HMGCL: variants seen among roughly 807,000 people sequenced by gnomAD.
HMGCL encodes the protein hydroxymethylglutaryl-CoA lyase, mitochondrial.
In HMGCL, 26 loss-of-function variants were observed where a neutral mutation model predicts 37.3. The observed-to-expected ratio is 0.70, with a 90% CI of 0.51 to 0.97. The LOEUF (loss-of-function observed/expected upper bound fraction) is 0.97, where lower values mean the gene tolerates loss of function less well. HMGCL is among the 50% of genes least tolerant of loss of function. The pLI is 0.00. For synonymous variants in HMGCL, 151 were observed against 148.0 expected, an observed-to-expected ratio of 1.02 and a Z score of -0.15; for missense variants, 379 against 398.1, an observed-to-expected ratio of 0.95 and a Z score of 0.41.
At chr1:23,808,903 T>G (rs941194481) in intron 6 of HMGCL, among the ~76,000 whole-genome samples, 1 of 151,250 alleles carries the variant, frequency 6.6e-6, no homozygotes, top group Admixed American at 6.6e-5. Context: ...AATGTATATA[T>G]TTTACATATA....
At chr1:23,812,654 G>A (rs1394609582) in intron 5 of HMGCL, among the ~76,000 whole-genome samples, 1 of 152,156 alleles carries the variant, frequency 6.6e-6, no homozygotes, top group Non-Finnish European at 1.5e-5. Flanking sequence ...CACGTGCAAA[G>A]GCCCAGAGGC....
chr1:23,807,415 A>G, intron 7 of HMGCL: 1 of 354,590 alleles, frequency 2.8e-6, no homozygotes, highest in East Asian at 7.5e-5. Context: ...TGAGAGGAAA[A>G]AAAAAGTGGC....
intron 4 of HMGCL, chr1:23,816,286 G>T (rs918072625): frequency 6.5e-6 from 2 of 309,842 alleles, no homozygotes; most frequent in South Asian, 3.0e-5. Flanking sequence ...GTCTAAAATT[G>T]TAAGAAAGTT....
chr1:23,814,111 C>T, intron 5 of HMGCL, 79 bp downstream of exon 5: 3 of 1,514,918 alleles, frequency 2.0e-6, no homozygotes, highest in Non-Finnish European at 2.7e-6. Context: ...AAGTTTGTGG[C>T]AGGAGGACCA....
At position 23,802,584 on chromosome 1, in the gene HMGCL, G is replaced by A. The variant is rs1638303539; in HGVS notation, c.877-20C>T. On this transcript the variant is annotated intron_variant, in intron 8 of 8. Transcript: ENST00000374490. Reference sequence around the variant, plus strand: ...CACACCCTTTGAGAAACAAGTTAGAGGATGCGGTAAGTCATGGTATGCCCT... The same window carrying A: ...CACACCCTTTGAGAAACAAGTTAGAAGATGCGGTAAGTCATGGTATGCCCT... 6.6e-7 allele frequency: 1 copy of A among 1,521,316 alleles called. No homozygotes were observed. The highest frequency in any genetic ancestry group is 9.1e-7 in the Non-Finnish European group (1 of 1,095,384). The allele number at this position is 1,521,316 out of a possible 1,614,324, so 94.2% of individuals were successfully genotyped here. A position where few individuals can be genotyped will look rare whatever the true frequency, so the allele number is the denominator to read the frequency against.
intron 2 of HMGCL, among the ~76,000 whole-genome samples, chr1:23,819,510 C>T (rs916804110): frequency 1.1e-4 from 17 of 152,094 alleles, no homozygotes; most frequent in African/African-American, 3.6e-4. Context: ...AGGTGGATCA[C>T]CTGAGGTCGG....
Position 23,805,566 on chromosome 1 carries a change from G to A in HMGCL, c.751-1041C>T, listed in dbSNP as rs576016008. Among the ~76,000 whole-genome samples, 6 of 152,260 alleles carry A rather than the reference G, an allele frequency of 3.9e-5. No individual in the cohort carries two copies. The South Asian group carries it at 8.3e-4, about 21-fold the overall frequency. ...TCTTCATCTTTGCACTTGACTAGCCGCATCATCTTGGACACCTTCTCCATG... is the reference window on the plus strand; with the variant it reads ...TCTTCATCTTTGCACTTGACTAGCCACATCATCTTGGACACCTTCTCCATG... On this transcript the variant is annotated intron_variant, in intron 7 of 8. Coordinates refer to ENST00000374490, the MANE Select transcript of HMGCL (RefSeq NM_000191.3).
At chr1:23,803,118 T>C (rs1638321210) in intron 8 of HMGCL, among the ~76,000 whole-genome samples, 1 of 152,140 alleles carries the variant, frequency 6.6e-6, no homozygotes, top group Admixed American at 6.5e-5. Context: ...CACTGCAACC[T>C]CTGCCTCCCG....
intron 1 of HMGCL, among the ~76,000 whole-genome samples, chr1:23,823,103 G>A (rs1638751266): frequency 6.7e-6 from 1 of 149,976 alleles, no homozygotes; most frequent in African/African-American, 2.5e-5. Flanking sequence ...TTGAACCCAG[G>A]AGGAGGAGGT....
chr1:23,808,105 T>G (rs1638445003), intron 7 of HMGCL, 30 bp downstream of exon 7: 1 of 1,591,242 alleles, frequency 6.3e-7, no homozygotes, highest in Admixed American at 1.7e-5. Flanking sequence ...ACCGTGACCT[T>G]TGGGAGAATG....
intron 2 of HMGCL, among the ~76,000 whole-genome samples, chr1:23,820,135 G>A (rs1638686007): frequency 6.6e-6 from 1 of 152,146 alleles, no homozygotes; most frequent in African/African-American, 2.4e-5. Context: ...ACCCCACTGG[G>A]CTGTGGACCT....
At position 23,802,224 on chromosome 1, in the gene HMGCL, AC is replaced by A; in HGVS notation, c.*238del. 1.7e-6 allele frequency: 1 copy of A among 601,598 alleles called. No homozygotes were observed. The highest frequency in any genetic ancestry group is 3.0e-6 in the Non-Finnish European group (1 of 338,822). The allele number at this position is 601,598 out of a possible 1,614,324, so 37.3% of individuals were successfully genotyped here. A position where few individuals can be genotyped will look rare whatever the true frequency, so the allele number is the denominator to read the frequency against. The stretch of plus-strand genomic sequence containing the variant: ...TTCAACTCCTGGGCCAGGGTCCGTA[AC>A]AAAGGGAGACTTCAGCCCTCAAAGC... On this transcript the variant is annotated 3_prime_UTR_variant, in exon 9 of 9. Transcript: ENST00000374490.
Position 23,804,492 on chromosome 1 carries a change from C to G in HMGCL, c.784G>C (p.Gly262Arg), listed in dbSNP as rs1638365590. 6.2e-7 allele frequency: 1 copy of G among 1,613,992 alleles called. No individual in the cohort carries two copies. Among genetic ancestry groups the G allele is most frequent in the African/African-American group, 1.3e-5 (1 of 74,900 alleles). Residue 262 changes from glycine to arginine, a missense_variant, in exon 8 of 9, where the codon GGA becomes CGA. By Grantham distance (125) the Gly-to-Arg change is moderately radical (BLOSUM62 -2). Coordinates refer to ENST00000374490, the MANE Select transcript of HMGCL (RefSeq NM_000191.3). Reference sequence around the variant, plus strand: ...TGTGCGTAGGGACAGCCTCCAAGTCCTGCCACAGAAGAGTCCACGACACTC... The same window carrying G: ...TGTGCGTAGGGACAGCCTCCAAGTCGTGCCACAGAAGAGTCCACGACACTC... Reference protein sequence around the residue: ...GVSVVDSSVAGLGGCPYAQGA... With the variant: ...GVSVVDSSVARLGGCPYAQGA...
At chr1:23,810,560 G>A in intron 6 of HMGCL, 176 bp downstream of exon 6, 1 of 643,272 alleles carries the variant, frequency 1.6e-6, no homozygotes, top group Non-Finnish European at 2.9e-6. Flanking sequence ...GCTAGGAGGG[G>A]GGCCTCTAGG....
chr1:23,823,283 T>C (rs1287743797), intron 1 of HMGCL, among the ~76,000 whole-genome samples: 3 of 152,068 alleles, frequency 2.0e-5, no homozygotes, highest in African/African-American at 7.2e-5. Context: ...GTAACAGCTC[T>C]TCACATAATA....
At chr1:23,820,670 G>C in intron 1 of HMGCL, 77 bp from the exon 2 acceptor site, 1 of 905,298 alleles carries the variant, frequency 1.1e-6, no homozygotes, top group South Asian at 1.3e-5. Context: ...ATGAAAGAAT[G>C]GATCTATCTT....
rs1638286787 is a variant in HMGCL at position 23,802,071 on chromosome 1, G to A, written c.*392C>T. The A allele has an allele frequency of 1.6e-5, 8 of 485,888 alleles. No individual in the cohort carries two copies. Among genetic ancestry groups the A allele is most frequent in the African/African-American group, 3.8e-5 (2 of 52,306 alleles). 30.1% of individuals were successfully genotyped at this position (485,888 alleles called of 1,614,324 possible). Reference sequence around the variant, plus strand: ...TGTCCTGAGAAGTCAGAGAGCAAGGGCCCCACGGCCATGGCAGGGTGGAGC... The same window carrying A: ...TGTCCTGAGAAGTCAGAGAGCAAGGACCCCACGGCCATGGCAGGGTGGAGC... On this transcript the variant is annotated 3_prime_UTR_variant, in exon 9 of 9. Coordinates refer to ENST00000374490, the MANE Select transcript of HMGCL (RefSeq NM_000191.3).
At chr1:23,821,082 G>A (rs1367458247) in intron 1 of HMGCL, among the ~76,000 whole-genome samples, 1 of 152,172 alleles carries the variant, frequency 6.6e-6, no homozygotes, top group Non-Finnish European at 1.5e-5. Context: ...ATTGCGGGGG[G>A]CAGTGGCTCA....
chr1:23,802,461 G>T lies in HMGCL; in HGVS notation c.*2C>A, dbSNP rs1471287493. ...CCCCAGGGCTTCAGGTGGGCAAGGG[G>T]CTCAGAGTTTACAGGTAGCCTGAGC... is the stretch of plus-strand genomic sequence containing the variant. On this transcript the variant is annotated 3_prime_UTR_variant, in exon 9 of 9. Transcript: ENST00000374490. 3 of 1,595,456 alleles carry T rather than the reference G, an allele frequency of 1.9e-6. No individual in the cohort carries two copies. Among genetic ancestry groups the T allele is most frequent in the East Asian group, 2.2e-5 (1 of 44,798 alleles).
Sources: allele counts gnomAD v4.1 joint callset (sites outside exome capture counted in the v4.1 genomes callset), GRCh38; gene constraint gnomAD v4.1.1; transcripts MANE v1.5; gene names NCBI Gene and HGNC (gene_info 2026-07-23, HGNC 2026-07-21).